The following EBF1 variants were observed in gnomAD, a reference collection of about 807,000 sequenced individuals.
EBF1 encodes the protein transcription factor COE1.
In EBF1, 10 loss-of-function variants were observed where a neutral mutation model predicts 68.4. That is an observed-to-expected ratio of 0.15 (90% CI 0.09 to 0.25). The LOEUF (loss-of-function observed/expected upper bound fraction) is 0.25. Among genes scored for constraint, EBF1 ranks in the 10% least tolerant of loss-of-function variants. The probability of loss-of-function intolerance (pLI) is 1.00; values close to 1 mark genes in which losing one functional copy is unlikely to be tolerated. For missense variants in EBF1, 509 were observed against 794.4 expected, an observed-to-expected ratio of 0.64 and a Z score of 4.32; for synonymous variants, 298 against 299.8, an observed-to-expected ratio of 0.99 and a Z score of 0.06.
intron 11 of EBF1, among the ~76,000 whole-genome samples, chr5:158,728,088 T>C (rs1763358428): frequency 6.6e-6 from 1 of 152,180 alleles, no homozygotes; most frequent in African/African-American, 2.4e-5. Context: ...TCCCTAACAA[T>C]GGACAGCAGG....
intron 10 of EBF1, among the ~76,000 whole-genome samples, chr5:158,748,289 G>A (rs920086296): frequency 2.6e-5 from 4 of 152,066 alleles, no homozygotes; most frequent in Non-Finnish European, 4.4e-5. Context: ...CATGACCATC[G>A]TCCAGCTTGT....
intron 10 of EBF1, among the ~76,000 whole-genome samples, chr5:158,750,221 AAAC>A (rs1222888475): frequency 6.6e-6 from 1 of 152,164 alleles, no homozygotes; most frequent in Non-Finnish European, 1.5e-5. Flanking sequence ...TATAATATTC[AAAC>A]AATAAGATAT....
intron 8 of EBF1, among the ~76,000 whole-genome samples, chr5:158,800,603 C>T (rs1016863213): frequency 2.6e-5 from 4 of 152,106 alleles, no homozygotes; most frequent in African/African-American, 9.7e-5. Context: ...ATAAAACAAA[C>T]AAAACAGCTG....
At chr5:158,912,556 C>T (rs143784486) in intron 6 of EBF1, among the ~76,000 whole-genome samples, 1 of 152,144 alleles carries the variant, frequency 6.6e-6, no homozygotes, top group African/African-American at 2.4e-5. Flanking sequence ...GAACTAGAAT[C>T]CCTTGGTACA....
intron 6 of EBF1, among the ~76,000 whole-genome samples, chr5:159,016,790 T>C (rs1765702078): frequency 6.6e-6 from 1 of 152,192 alleles, no homozygotes; most frequent in Non-Finnish European, 1.5e-5. Context: ...CTGACCCGGC[T>C]GGAGGGCCCC....
intron 4 of EBF1, among the ~76,000 whole-genome samples, chr5:159,093,690 T>C (rs1230924996): frequency 6.6e-6 from 1 of 152,122 alleles, no homozygotes; most frequent in Non-Finnish European, 1.5e-5. Context: ...ATAAGGTAAG[T>C]TCATCCCATA....
chr5:158,885,134 G>A (rs932647591), intron 6 of EBF1, among the ~76,000 whole-genome samples: 1 of 152,224 alleles, frequency 6.6e-6, no homozygotes, highest in South Asian at 2.1e-4. Flanking sequence ...GCAGAGGAAG[G>A]AGACATAAGC....
At chr5:158,741,144 A>G in intron 10 of EBF1, among the ~76,000 whole-genome samples, 1 of 152,252 alleles carries the variant, frequency 6.6e-6, no homozygotes, top group East Asian at 1.9e-4. Flanking sequence ...GCACCACACA[A>G]CTTTGCACAC....
rs564682472 is a variant in EBF1 at position 158,998,514 on chromosome 5, G to T, written c.554+74882C>A. 2.6e-5 allele frequency among the ~76,000 whole-genome samples: 4 copies of T among 152,298 alleles called. No individual in the cohort carries two copies. The East Asian group carries it at 7.7e-4, about 29-fold the overall frequency. On this transcript the variant is annotated intron_variant, in intron 6 of 15. Transcript: ENST00000313708. ...AATCCACAGAATCTGGAATAGACAGGTATTCGATACATAACGTTGAATAAG... is the reference window on the plus strand; with the variant it reads ...AATCCACAGAATCTGGAATAGACAGTTATTCGATACATAACGTTGAATAAG...
intron 6 of EBF1, among the ~76,000 whole-genome samples, chr5:158,878,517 C>A (rs896109806): frequency 1.3e-5 from 2 of 152,168 alleles, no homozygotes; most frequent in Non-Finnish European, 1.5e-5. Context: ...TCTCATTTAA[C>A]CCCCACAACA....
At chr5:159,098,529 G>A (rs1783059070) in intron 1 of EBF1, among the ~76,000 whole-genome samples, 1 of 151,834 alleles carries the variant, frequency 6.6e-6, no homozygotes, top group Admixed American at 6.6e-5. Context: ...CGAAAAAACA[G>A]GAAAGCCAGA....
chr5:158,850,646 G>A (rs893670563), intron 6 of EBF1, among the ~76,000 whole-genome samples: 5 of 152,164 alleles, frequency 3.3e-5, no homozygotes, highest in African/African-American at 1.2e-4. Context: ...GTGAAATGAT[G>A]GAGCTATATA....
intron 9 of EBF1, among the ~76,000 whole-genome samples, chr5:158,779,355 C>G (rs1388633982): frequency 6.6e-6 from 1 of 152,028 alleles, no homozygotes; most frequent in African/African-American, 2.4e-5. Context: ...AGTCACGGGA[C>G]AAACACTTCC....
At chr5:158,802,718 A>G (rs1780832656) in intron 8 of EBF1, among the ~76,000 whole-genome samples, 1 of 152,156 alleles carries the variant, frequency 6.6e-6, no homozygotes, top group Non-Finnish European at 1.5e-5. Context: ...CAACCTTGAA[A>G]CAGTCTCTTA....
intron 6 of EBF1, among the ~76,000 whole-genome samples, chr5:159,000,671 C>T (rs1335592884): frequency 1.3e-5 from 2 of 152,126 alleles, no homozygotes; most frequent in African/African-American, 2.4e-5. Context: ...TGGCAGCTCT[C>T]CAATACCTTT....
chr5:158,709,648 G>T (rs1405635186), intron 14 of EBF1, among the ~76,000 whole-genome samples: 1 of 152,180 alleles, frequency 6.6e-6, no homozygotes, highest in Non-Finnish European at 1.5e-5. Context: ...CAATCCACAC[G>T]CACTGAGTGC....
intron 4 of EBF1, among the ~76,000 whole-genome samples, chr5:159,087,008 A>C (rs1484872823): frequency 1.3e-5 from 2 of 152,054 alleles, no homozygotes; most frequent in Non-Finnish European, 1.5e-5. Flanking sequence ...ATTTTAAAAA[A>C]CACAGTAAAT....
intron 6 of EBF1, among the ~76,000 whole-genome samples, chr5:159,051,039 G>A (rs944899251): frequency 6.6e-6 from 1 of 152,002 alleles, no homozygotes; most frequent in African/African-American, 2.4e-5. Flanking sequence ...TAGGAAGGGG[G>A]GAAGTGTTAA....
intron 6 of EBF1, among the ~76,000 whole-genome samples, chr5:158,978,835 C>CAGAGAG (rs70987945): frequency 0.013 from 1,892 of 146,996 alleles, 18 homozygotes; most frequent in East Asian, 0.04. Flanking sequence ...CACACACACA[C>CAGAGAG]AGAGAGAGAG....
Sources: gnomAD v4.1 joint callset for allele counts (sites outside exome capture counted in the v4.1 genomes callset) on GRCh38, gnomAD v4.1.1 for gene constraint, MANE v1.5 for transcripts, NCBI Gene and HGNC (gene_info 2026-07-23, HGNC 2026-07-21) for gene names.